The following CFAP43 variants were observed in gnomAD, a reference collection of about 807,000 sequenced individuals.
CFAP43 encodes cilia and flagella associated protein 43.
CFAP43 carries 155 observed loss-of-function variants against 218.9 expected under a neutral mutation model. The observed-to-expected ratio is 0.71, with a 90% CI of 0.62 to 0.81. The LOEUF is 0.81. CFAP43 is among the 30% of genes least tolerant of loss of function. The pLI is 0.00. For synonymous variants in CFAP43, 645 were observed against 681.3 expected (o/e 0.95, Z 0.83); for missense variants, 1,778 against 1,954.3 (o/e 0.91, Z 1.70).
chr10:104,228,275 A>T (rs534977734), intron 2 of CFAP43, among the ~76,000 whole-genome samples: 7 of 152,174 alleles, frequency 4.6e-5, no homozygotes, highest in African/African-American at 1.7e-4. Flanking sequence ...TGAATAATCT[A>T]TATTTTTTCT....
chr10:104,142,245 T>A (rs1218520996), intron 33 of CFAP43, 36 bp downstream of exon 33: 2 of 1,578,444 alleles, frequency 1.3e-6, no homozygotes, highest in Non-Finnish European at 1.7e-6. Context: ...TAATTAGACT[T>A]TGAATAGGTG....
chr10:104,203,299 G>T, intron 8 of CFAP43: 1 of 206,310 alleles, frequency 4.8e-6, no homozygotes, highest in Non-Finnish European at 9.6e-6. Flanking sequence ...CTTTCCACCA[G>T]GGACATCAAG....
rs1306543312 is a variant in CFAP43, at chr10:104,232,299, G to T, written c.-53C>A. On this transcript the variant is annotated 5_prime_UTR_variant, in exon 1 of 38. Transcript: ENST00000357060. ...GGCAGCGCACGCAGCACCCCAGGGCGGGTCGGTTACCTTTCCGCCGCCGCG... is the reference window on the plus strand; with the variant it reads ...GGCAGCGCACGCAGCACCCCAGGGCTGGTCGGTTACCTTTCCGCCGCCGCG... The T allele has an allele frequency of 1.3e-6, 2 of 1,505,156 alleles. No homozygotes were observed. The highest frequency in any genetic ancestry group is 1.8e-6 in the Non-Finnish European group (2 of 1,128,950). 93.2% of individuals were successfully genotyped at this position (1,505,156 alleles called of 1,614,324 possible).
intron 19 of CFAP43, among the ~76,000 whole-genome samples, chr10:104,174,411 A>G (rs930649171): frequency 1.3e-5 from 2 of 152,184 alleles, no homozygotes; most frequent in African/African-American, 2.4e-5. Context: ...TTTTAAAACT[A>G]TCTGATTTCC....
chr10:104,216,299 A>G (rs2134983469), intron 3 of CFAP43, among the ~76,000 whole-genome samples: 1 of 152,286 alleles, frequency 6.6e-6, no homozygotes, highest in East Asian at 1.9e-4. Flanking sequence ...GGCACTGTTC[A>G]CCACAACCAC....
rs183532122 is a variant in CFAP43, at chr10:104,159,842, G to A, written c.3540+1195C>T. Reference sequence around the variant, plus strand: ...CCTATTTGGAGTGCAAAATCTCAGCGTCCTTCCATTTTCACAGAGAAACAA... The same window carrying A: ...CCTATTTGGAGTGCAAAATCTCAGCATCCTTCCATTTTCACAGAGAAACAA... On this transcript the variant is annotated intron_variant, in intron 27 of 37. Coordinates refer to ENST00000357060, the MANE Select transcript of CFAP43 (RefSeq NM_025145.7). 4.6e-5 allele frequency among the ~76,000 whole-genome samples: 7 copies of A among 152,238 alleles called. No homozygotes were observed. The East Asian group carries it at 1.2e-3, about 25-fold the overall frequency.
intron 12 of CFAP43, among the ~76,000 whole-genome samples, chr10:104,189,287 A>G (rs1040599144): frequency 1.3e-5 from 2 of 152,142 alleles, no homozygotes; most frequent in African/African-American, 4.8e-5. Context: ...CCTGTCTTCA[A>G]ATAAGAACCT....
In CFAP43 at chr10:104,179,935, G is replaced by C. The variant is rs1250197575; in HGVS notation, c.2290-3C>G. ...AAGTCAGTGCTTGCCTTCTGTTTCT[G>C]ATACATGGTAGAAAAAGACAGACAT... On this transcript the variant is annotated splice_region_variant and splice_polypyrimidine_tract_variant and intron_variant, in intron 17 of 37. Transcript: ENST00000357060. The C allele has an allele frequency of 2.5e-6, 4 of 1,609,962 alleles. No homozygotes were observed. The Admixed American group carries it at 5.0e-5, about 20-fold the overall frequency.
intron 5 of CFAP43, among the ~76,000 whole-genome samples, chr10:104,209,187 C>T (rs1391306735): frequency 6.6e-6 from 1 of 152,176 alleles, no homozygotes; most frequent in East Asian, 1.9e-4. Flanking sequence ...GTTATGCTTT[C>T]ACTCATTGTA....
At chr10:104,145,144 A>G (rs2087900978) in intron 31 of CFAP43, among the ~76,000 whole-genome samples, 1 of 152,220 alleles carries the variant, frequency 6.6e-6, no homozygotes, top group African/African-American at 2.4e-5. Context: ...GTTTGAACGC[A>G]CTTTAGAAAA....
intron 37 of CFAP43, among the ~76,000 whole-genome samples, chr10:104,130,622 A>G (rs907343881): frequency 2.0e-5 from 3 of 152,120 alleles, no homozygotes; most frequent in African/African-American, 7.2e-5. Context: ...TTAACACAGG[A>G]ACAGAAAACC....
At chr10:104,165,993 GAACGC>G (rs2089131743) in intron 23 of CFAP43, among the ~76,000 whole-genome samples, 1 of 152,150 alleles carries the variant, frequency 6.6e-6, no homozygotes, top group African/African-American at 2.4e-5. Flanking sequence ...CCAAATGGTC[GAACGC>G]AACTCTTGTA....
chr10:104,152,755 G>A (rs372813930), intron 27 of CFAP43, 29 bp from the exon 28 acceptor site: 111 of 1,593,720 alleles, frequency 7.0e-5, no homozygotes, highest in Middle Eastern at 1.7e-4. Context: ...TAAAGTTAAC[G>A]TTTAAGAGTA....
chr10:104,132,110 A>T lies in CFAP43; in HGVS notation c.4677+6T>A. On this transcript the variant is annotated splice_donor_region_variant and intron_variant, in intron 36 of 37. Transcript: ENST00000357060. Reference sequence around the variant, plus strand: ...GGATATAATAACCAACGTCTTTGAGACTTACCTTATCTAAAACAGCAATGG... The same window carrying T: ...GGATATAATAACCAACGTCTTTGAGTCTTACCTTATCTAAAACAGCAATGG... The T allele has an allele frequency of 6.3e-7, 1 of 1,590,704 alleles. No homozygotes were observed. Among genetic ancestry groups the T allele is most frequent in the Non-Finnish European group, 8.6e-7 (1 of 1,168,568 alleles).
intron 24 of CFAP43, 79 bp from the exon 25 acceptor site, chr10:104,162,482 G>C: frequency 8.0e-7 from 1 of 1,249,978 alleles, no homozygotes; most frequent in South Asian, 1.2e-5. Flanking sequence ...CTGGGAGGAG[G>C]CTGGAAGATA....
chr10:104,188,284 G>A lies in CFAP43; in HGVS notation c.1673C>T (p.Thr558Ile). The change falls in exon 13 of 38, where the codon ACA becomes ATA. Residue 558 changes from threonine (T) to isoleucine (I), a missense_variant. Physicochemically the swap from Thr to Ile is moderately conservative, Grantham distance 89. Around this residue, in one of 3 missense-constraint regions of CFAP43, gnomAD observed 1,553 missense variants for 1,685.2 expected, o/e 0.92. Coordinates refer to ENST00000357060, the MANE Select transcript of CFAP43 (RefSeq NM_025145.7). ...GTTTTCCTTACCTTGTGGCAGTAAT[G>A]TAGGCAGTGTGAACATCTCCAACCT... ...RSRLEMFTLP[T>I]LLPQVSTTFA... 6.2e-7 allele frequency: 1 copy of A among 1,614,044 alleles called. No homozygotes were observed. The highest frequency in any genetic ancestry group is 8.5e-7 in the Non-Finnish European group (1 of 1,179,964).
At chr10:104,228,365 T>C (rs1016311057) in intron 2 of CFAP43, among the ~76,000 whole-genome samples, 2 of 152,176 alleles carry the variant, frequency 1.3e-5, no homozygotes, top group Non-Finnish European at 2.9e-5. Context: ...TTTTATATAC[T>C]TTAGATTCTG....
Position 104,188,406 on chromosome 10 carries a change from C to A in CFAP43, c.1551G>T (p.Val517=), listed in dbSNP as rs1220255255. The stretch of plus-strand genomic sequence containing the variant: ...TGGATATCTGTAAAATGTCTTTGGC[C>A]ACCTCTGAAAGCAAACAGAGATCAA... ...SSFQIIGFTE[V]AKDILQISTV... The change falls in exon 13 of 38, where the codon GTG becomes GTT. Residue 517 remains valine (V), a synonymous_variant. Transcript: ENST00000357060. 1.2e-6 allele frequency: 2 copies of A among 1,606,508 alleles called. No homozygotes were observed. Among genetic ancestry groups the A allele is most frequent in the Non-Finnish European group, 8.5e-7 (1 of 1,176,634 alleles).
intron 3 of CFAP43, among the ~76,000 whole-genome samples, chr10:104,220,897 T>C (rs576897045): frequency 2.3e-4 from 35 of 152,320 alleles, no homozygotes; most frequent in African/African-American, 8.4e-4. Context: ...TTCACATATC[T>C]AACCTAGAAA....
Sources: gnomAD v4.1 joint callset for allele counts (sites outside exome capture counted in the v4.1 genomes callset) on GRCh38, gnomAD v4.1.1 for gene constraint, gnomAD v4.1.1 regional missense constraint, MANE v1.5 for transcripts, NCBI Gene and HGNC (gene_info 2026-07-23, HGNC 2026-07-21) for gene names.